The following ERCC8 variants were observed in gnomAD, a reference collection of about 807,000 sequenced individuals.
The protein encoded by ERCC8 is ERCC excision repair 8, CSA ubiquitin ligase complex subunit, also known as DNA excision repair protein ERCC-8.
In ERCC8, 52 loss-of-function variants were observed where a neutral mutation model predicts 54.9. The observed-to-expected ratio is 0.95, with a 90% CI of 0.76 to 1.19. The LOEUF (loss-of-function observed/expected upper bound fraction) is 1.19, where lower values mean the gene tolerates loss of function less well. Ranked by LOEUF, ERCC8 falls within the 50% of genes most tolerant of loss-of-function variation. ERCC8 has a pLI of 0.00. For missense variants in ERCC8, 514 were observed against 466.1 expected (o/e 1.10, Z -0.95); for synonymous variants, 146 against 157.2 (o/e 0.93, Z 0.53).
At chr5:60,900,585 C>T (rs1224859221) in intron 7 of ERCC8, 3 of 151,880 alleles carry the variant, frequency 2.0e-5, no homozygotes, top group East Asian at 1.9e-4. Context: ...TCTATAACCT[C>T]GATTCTTTTC....
chr5:60,927,301 T>TTA (rs760643141), intron 2 of ERCC8, among the ~76,000 whole-genome samples: 13 of 152,212 alleles, frequency 8.5e-5, no homozygotes, highest in Non-Finnish European at 1.3e-4. Context: ...TTTGAACAAG[T>TTA]TATATACACA....
At chr5:60,903,861 A>C in intron 5 of ERCC8, 145 bp from the exon 6 acceptor site, 1 of 780,484 alleles carries the variant, frequency 1.3e-6, no homozygotes, top group Non-Finnish European at 2.1e-6. Context: ...TGTCATTTTT[A>C]ATGTTTACAT....
At position 60,869,878 on chromosome 5, in the gene ERCC8, T is replaced by C. The variant is rs557147161; in HGVS notation, c.*4737A>G. On this transcript the variant is annotated 3_prime_UTR_variant, in exon 12 of 12. Transcript: ENST00000676185. ...GAAATATGGCAGAATATAAGTACCT[T>C]AGGTGACGAAAGGACAGCCAAGACA... 3.3e-5 allele frequency among the ~76,000 whole-genome samples: 5 copies of C among 152,112 alleles called. No homozygotes were observed. The highest frequency in any genetic ancestry group is 6.6e-5 in the Admixed American group (1 of 15,258).
chr5:60,929,197 A>C (rs1049930427), intron 1 of ERCC8, among the ~76,000 whole-genome samples: 1 of 152,232 alleles, frequency 6.6e-6, no homozygotes, highest in South Asian at 2.1e-4. Context: ...GTACGAAAAA[A>C]GTTAAATTCT....
At chr5:60,922,190 T>C in intron 2 of ERCC8, 35 bp from the exon 3 acceptor site, 1 of 1,332,754 alleles carries the variant, frequency 7.5e-7, no homozygotes, top group Non-Finnish European at 1.1e-6. Context: ...ATTTATCATT[T>C]TATTTATTAT....
intron 1 of ERCC8, 34 bp downstream of exon 1, chr5:60,944,898 T>C: frequency 6.7e-7 from 1 of 1,488,234 alleles, no homozygotes; most frequent in Non-Finnish European, 9.4e-7. Context: ...AGATTCTAAC[T>C]GGCCTGTTAG....
intron 11 of ERCC8, among the ~76,000 whole-genome samples, chr5:60,881,952 C>T (rs1249631954): frequency 1.3e-5 from 2 of 152,222 alleles, no homozygotes; most frequent in Admixed American, 1.3e-4. Flanking sequence ...CTGCATTGCT[C>T]ACGCTGGGAG....
At chr5:60,892,458 G>A (rs1417743906) in intron 9 of ERCC8, 1 of 561,946 alleles carries the variant, frequency 1.8e-6, no homozygotes, top group Non-Finnish European at 3.5e-6. Flanking sequence ...CAGAGTGTGA[G>A]TGGGTGGTGG....
At chr5:60,924,813 GTTCT>G (rs1580033100) in intron 2 of ERCC8, among the ~76,000 whole-genome samples, 1 of 151,522 alleles carries the variant, frequency 6.6e-6, no homozygotes, top group Non-Finnish European at 1.5e-5. Flanking sequence ...ATTTATTTGT[GTTCT>G]TTAAGTTTTA....
chr5:60,931,850 C>T (rs1003580901), intron 1 of ERCC8, among the ~76,000 whole-genome samples: 10 of 152,082 alleles, frequency 6.6e-5, no homozygotes, highest in African/African-American at 2.4e-4. Context: ...CTCTTCCTAA[C>T]AGTAAGAAGC....
intron 1 of ERCC8, among the ~76,000 whole-genome samples, chr5:60,938,282 A>G (rs1467561594): frequency 6.7e-6 from 1 of 150,362 alleles, no homozygotes; most frequent in Non-Finnish European, 1.5e-5. Context: ...TGATGTTACC[A>G]TGAATTATTT....
chr5:60,941,231 T>C (rs1282102563), intron 1 of ERCC8, among the ~76,000 whole-genome samples: 1 of 152,082 alleles, frequency 6.6e-6, no homozygotes, highest in Non-Finnish European at 1.5e-5. Context: ...AGCAAAGAAA[T>C]AGAAGACATA....
chr5:60,893,197 C>T, intron 9 of ERCC8: 1 of 974,802 alleles, frequency 1.0e-6, no homozygotes, highest in African/African-American at 1.6e-5. Flanking sequence ...AGAATCACAT[C>T]AGAGTATTCT....
chr5:60,886,959 A>G (rs1261524366), intron 11 of ERCC8, among the ~76,000 whole-genome samples: 1 of 152,034 alleles, frequency 6.6e-6, no homozygotes, highest in Non-Finnish European at 1.5e-5. Context: ...ATGTTTACAC[A>G]TAGTTATTAA....
intron 11 of ERCC8, among the ~76,000 whole-genome samples, chr5:60,887,197 C>T (rs932890455): frequency 3.9e-5 from 6 of 152,124 alleles, no homozygotes; most frequent in East Asian, 3.9e-4. Flanking sequence ...ATTATTTTTA[C>T]GGAAATTACC....
At chr5:60,880,988 T>C (rs555368133) in intron 11 of ERCC8, among the ~76,000 whole-genome samples, 303 of 152,294 alleles carry the variant, frequency 2.0e-3, no homozygotes, top group South Asian at 3.5e-3. Flanking sequence ...TCCCCATCTT[T>C]GTGGTTTTAT....
At chr5:60,888,101 C>A (rs1332793515) in intron 10 of ERCC8, among the ~76,000 whole-genome samples, 2 of 152,066 alleles carry the variant, frequency 1.3e-5, no homozygotes, top group African/African-American at 4.8e-5. Context: ...ATGCTCATGC[C>A]CCTCCCCAAC....
At chr5:60,929,988 A>G (rs900395980) in intron 1 of ERCC8, among the ~76,000 whole-genome samples, 2 of 152,242 alleles carry the variant, frequency 1.3e-5, no homozygotes, top group Non-Finnish European at 2.9e-5. Flanking sequence ...AACAATGCAC[A>G]ATGCTGGAAA....
rs563566732 is a variant in ERCC8 at position 60,893,493 on chromosome 5, C to A, written c.844-2407G>T. The A allele has an allele frequency of 6.2e-5, 56 of 902,896 alleles. 1 individual carries two copies. In the South Asian group the frequency reaches 7.4e-4, roughly 12 times the overall value. 55.9% of individuals were successfully genotyped at this position (902,896 alleles called of 1,614,324 possible). Reference sequence around the variant, plus strand: ...GGAGCAGAGGGCACTTTGGAGGTTGCTTTCTTCCCATTTTGTTTTGCAGGC... The same window carrying A: ...GGAGCAGAGGGCACTTTGGAGGTTGATTTCTTCCCATTTTGTTTTGCAGGC... On this transcript the variant is annotated intron_variant, in intron 9 of 11. Coordinates refer to ENST00000676185, the MANE Select transcript of ERCC8 (RefSeq NM_000082.4).
Sources: gnomAD v4.1 joint callset for allele counts (sites outside exome capture counted in the v4.1 genomes callset) on GRCh38, gnomAD v4.1.1 for gene constraint, MANE v1.5 for transcripts, NCBI Gene and HGNC (gene_info 2026-07-23, HGNC 2026-07-21) for gene names.